AEBP2: variants seen among roughly 807,000 people sequenced by gnomAD.
AEBP2 encodes the protein AE binding protein 2.
AEBP2 carries 10 observed loss-of-function variants against 50.8 expected under a neutral mutation model. That is an observed-to-expected ratio of 0.20 (90% confidence interval 0.12 to 0.33). AEBP2 has a LOEUF of 0.33. AEBP2 is among the 10% of genes least tolerant of loss of function. The pLI is 1.00. For missense variants in AEBP2, 570 were observed against 688.0 expected (o/e 0.83, Z 1.92); for synonymous variants, 296 against 261.3 (o/e 1.13, Z -1.28).
intron 5 of AEBP2, among the ~76,000 whole-genome samples, chr12:19,511,402 T>G (rs1484778981): frequency 6.6e-6 from 1 of 151,520 alleles, no homozygotes; most frequent in Admixed American, 6.7e-5. Flanking sequence ...AGTATGAGGC[T>G]AAAGGCGTTC....
intron 3 of AEBP2, among the ~76,000 whole-genome samples, chr12:19,479,953 G>A (rs1393506353): frequency 1.3e-5 from 2 of 151,696 alleles, no homozygotes; most frequent in African/African-American, 2.4e-5. Flanking sequence ...CCTTTTAAAT[G>A]TAGCATTTAG....
chr12:19,470,934 C>G (rs569860930), intron 2 of AEBP2, among the ~76,000 whole-genome samples: 1 of 152,244 alleles, frequency 6.6e-6, no homozygotes, highest in South Asian at 2.1e-4. Context: ...TTCTTTAAGG[C>G]ATTTCTGTTT....
chr12:19,464,429 A>G (rs1317586483), intron 2 of AEBP2, among the ~76,000 whole-genome samples: 1 of 152,154 alleles, frequency 6.6e-6, no homozygotes, highest in Non-Finnish European at 1.5e-5. Flanking sequence ...TTCTCTTAGT[A>G]GATGTGGGAG....
intron 3 of AEBP2, among the ~76,000 whole-genome samples, chr12:19,486,067 A>G (rs1013218548): frequency 1.3e-5 from 2 of 150,338 alleles, no homozygotes; most frequent in African/African-American, 4.9e-5. Context: ...GCACATTTGT[A>G]ACTACCATCC....
chr12:19,476,622 G>A (rs556320403), intron 3 of AEBP2, among the ~76,000 whole-genome samples: 19 of 152,276 alleles, frequency 1.2e-4, no homozygotes, highest in African/African-American at 4.6e-4. Context: ...GATTACAGGC[G>A]TGAGTCACCA....
At chr12:19,459,966 A>G (rs1286368074) in intron 1 of AEBP2, among the ~76,000 whole-genome samples, 1 of 152,220 alleles carries the variant, frequency 6.6e-6, no homozygotes, top group Non-Finnish European at 1.5e-5. Flanking sequence ...TAATGCCTGT[A>G]GTCCCAGTAC....
At chr12:19,415,663 A>ATACAC (rs1476220911) in intron 1 of AEBP2, among the ~76,000 whole-genome samples, 230 of 145,342 alleles carry the variant, frequency 1.6e-3, no homozygotes, top group East Asian at 2.0e-3. Flanking sequence ...AATCAATACA[A>ATACAC]TACAATACAA....
chr12:19,510,806 C>G (rs1259271810), intron 5 of AEBP2, among the ~76,000 whole-genome samples: 1 of 148,442 alleles, frequency 6.7e-6, no homozygotes, highest in Admixed American at 6.7e-5. Flanking sequence ...AGACATGTTA[C>G]AGTTTTTGTT....
intron 5 of AEBP2, among the ~76,000 whole-genome samples, chr12:19,504,631 G>C (rs1949128968): frequency 6.6e-6 from 1 of 152,076 alleles, no homozygotes; most frequent in Admixed American, 6.6e-5. Flanking sequence ...GTGGTATTTA[G>C]ATTGATATGT....
chr12:19,494,657 G>T (rs918679522), intron 4 of AEBP2, among the ~76,000 whole-genome samples: 1 of 151,762 alleles, frequency 6.6e-6, no homozygotes, highest in African/African-American at 2.4e-5. Flanking sequence ...TGGGATTACA[G>T]GTGTGAGCCA....
chr12:19,513,941 A>T (rs935822383), intron 6 of AEBP2, among the ~76,000 whole-genome samples: 1,784 of 67,660 alleles, frequency 0.026, no homozygotes, highest in Non-Finnish European at 0.033. Context: ...GTTTTTATTT[A>T]TTTCTTTTTT....
rs1465413538 is a variant in AEBP2 at position 19,520,826 on chromosome 12, A to G, written c.*2709A>G. The G allele has an allele frequency of 6.6e-6, 1 of 152,190 alleles. No homozygotes were observed. Among genetic ancestry groups the G allele is most frequent in the Non-Finnish European group, 1.5e-5 (1 of 68,042 alleles). The allele number at this position is 152,190 out of a possible 1,614,324, so 9.4% of individuals were successfully genotyped here. A position where few individuals can be genotyped will look rare whatever the true frequency, so the allele number is the denominator to read the frequency against. ...AAATCTGACATAAAAAATGCTCCAA[A>G]GTTCAAAACTTTCTGAGTGCTGACA... is the stretch of plus-strand genomic sequence containing the variant. On this transcript the variant is annotated 3_prime_UTR_variant, in exon 8 of 8. Coordinates refer to ENST00000266508, the MANE Select transcript of AEBP2 (RefSeq NM_153207.5).
chr12:19,411,485 A>G (rs899776326), intron 1 of AEBP2, among the ~76,000 whole-genome samples: 4 of 152,206 alleles, frequency 2.6e-5, no homozygotes, highest in Admixed American at 2.6e-4. Context: ...ACTGAGCCAG[A>G]GGAGCCCCAG....
chr12:19,464,727 C>T (rs1398065113), intron 2 of AEBP2, among the ~76,000 whole-genome samples: 2 of 151,678 alleles, frequency 1.3e-5, no homozygotes, highest in East Asian at 2.0e-4. Flanking sequence ...GCTGGGATTA[C>T]AGGCCTGAGC....
chr12:19,471,141 A>G (rs139234303), intron 2 of AEBP2, among the ~76,000 whole-genome samples: 10 of 152,140 alleles, frequency 6.6e-5, no homozygotes, highest in Admixed American at 4.6e-4. Context: ...TTGAGAGATG[A>G]TCTGTCTCTT....
At chr12:19,450,715 A>G (rs551309312) in intron 1 of AEBP2, among the ~76,000 whole-genome samples, 1 of 150,442 alleles carries the variant, frequency 6.6e-6, no homozygotes, top group East Asian at 2.0e-4. Flanking sequence ...GGTGGTGCAT[A>G]CTTGTAGTCC....
intron 3 of AEBP2, among the ~76,000 whole-genome samples, chr12:19,483,513 C>T (rs932861009): frequency 6.6e-6 from 1 of 152,046 alleles, no homozygotes; most frequent in African/African-American, 2.4e-5. Context: ...TGGTATATTC[C>T]TGGGGTGGTT....
At chr12:19,478,487 A>G (rs1342466447) in intron 3 of AEBP2, among the ~76,000 whole-genome samples, 1 of 151,930 alleles carries the variant, frequency 6.6e-6, no homozygotes, top group Non-Finnish European at 1.5e-5. Flanking sequence ...ACAGGGTTTC[A>G]CCATGTTGCC....
chr12:19,498,848 G>A (rs765752298), intron 4 of AEBP2, among the ~76,000 whole-genome samples: 2 of 151,726 alleles, frequency 1.3e-5, no homozygotes, highest in African/African-American at 2.4e-5. Context: ...TTTGTGAAAC[G>A]TTTTATCCTT....
Sources: gnomAD v4.1 joint callset for allele counts (sites outside exome capture counted in the v4.1 genomes callset) on GRCh38, gnomAD v4.1.1 for gene constraint, MANE v1.5 for transcripts, NCBI Gene and HGNC (gene_info 2026-07-23, HGNC 2026-07-21) for gene names.